COL25A1: variants seen among roughly 807,000 people sequenced by gnomAD.
COL25A1 encodes collagen alpha-1(XXV) chain.
A neutral mutation model predicts 128.4 loss-of-function variants in COL25A1; 103 were observed. The ratio of observed to expected loss-of-function variants is 0.80; its 90% CI spans 0.68 to 0.94. The LOEUF is 0.94. Among genes scored for constraint, COL25A1 ranks in the 40% least tolerant of loss-of-function variants. The probability of loss-of-function intolerance (pLI) is 0.00; values close to 1 mark genes in which losing one functional copy is unlikely to be tolerated. For missense variants in COL25A1, 745 were observed against 840.0 expected (o/e 0.89, Z 1.40); for synonymous variants, 279 against 277.2 (o/e 1.01, Z -0.06).
chr4:109,033,928 A>T (rs564226926), intron 5 of COL25A1, among the ~76,000 whole-genome samples: 1 of 152,306 alleles, frequency 6.6e-6, no homozygotes, highest in Non-Finnish European at 1.5e-5. Context: ...TAAAAAATAG[A>T]TTCCCAAACT....
intron 26 of COL25A1, 96 bp from the exon 27 acceptor site, chr4:108,848,899 G>T: frequency 2.3e-6 from 2 of 871,472 alleles, no homozygotes; most frequent in South Asian, 1.5e-5. Context: ...ACCACAATTT[G>T]ACTTTCAGCA....
chr4:108,888,731 T>A (rs1741107808), intron 18 of COL25A1, among the ~76,000 whole-genome samples: 2 of 152,166 alleles, frequency 1.3e-5, no homozygotes, highest in South Asian at 4.1e-4. Context: ...TAGATATAAA[T>A]CACATAAAAA....
At chr4:109,276,614 A>AG (rs1331545205) in intron 3 of COL25A1, among the ~76,000 whole-genome samples, 2 of 152,068 alleles carry the variant, frequency 1.3e-5, no homozygotes, top group Non-Finnish European at 2.9e-5. Flanking sequence ...AGGTTAGGGA[A>AG]GGAAACATTC....
Position 108,831,431 on chromosome 4 carries a change from G to C in COL25A1, c.1710+949C>G, listed in dbSNP as rs183785128. 2.5e-3 allele frequency among the ~76,000 whole-genome samples: 385 copies of C among 152,216 alleles called. 4 individuals are homozygous for C. Among genetic ancestry groups the C allele is most frequent in the African/African-American group, 8.9e-3 (371 of 41,564 alleles). On this transcript the variant is annotated intron_variant, in intron 32 of 37. Transcript: ENST00000399132. ...GAATTGGAAGGTATGTTAAAGAAAT[G>C]ACTACTGGCCCTCTTTTTTTAAAGC...
intron 3 of COL25A1, among the ~76,000 whole-genome samples, chr4:109,155,622 T>A (rs1414902421): frequency 6.6e-6 from 1 of 152,168 alleles, no homozygotes; most frequent in Non-Finnish European, 1.5e-5. Context: ...GAATCTTAGA[T>A]CATATCCTGT....
intron 3 of COL25A1, among the ~76,000 whole-genome samples, chr4:109,222,915 T>C (rs1009127014): frequency 1.3e-5 from 2 of 152,238 alleles, no homozygotes; most frequent in African/African-American, 2.4e-5. Flanking sequence ...CTTAAAAAAT[T>C]ATCCAAATCA....
rs117070251 is a variant in COL25A1, at chr4:108,908,191, G to A, written c.781-7019C>T. On this transcript the variant is annotated intron_variant, in intron 13 of 37. Transcript: ENST00000399132. Reference sequence around the variant, plus strand: ...GCTTTGCCCCATACCAATTCAGGTGGTTCAGTCAATTCTTCACCAGTTTCC... The same window carrying A: ...GCTTTGCCCCATACCAATTCAGGTGATTCAGTCAATTCTTCACCAGTTTCC... 2.9e-3 allele frequency among the ~76,000 whole-genome samples: 448 copies of A among 152,260 alleles called. 21 individuals carry two copies. The East Asian group carries it at 0.068, about 23-fold the overall frequency.
At chr4:109,062,220 T>C (rs1762045165) in intron 3 of COL25A1, among the ~76,000 whole-genome samples, 1 of 152,176 alleles carries the variant, frequency 6.6e-6, no homozygotes, top group Non-Finnish European at 1.5e-5. Context: ...CTTGATCAAG[T>C]AGACCAAGAG....
At chr4:108,850,596 T>C (rs1156464433) in intron 26 of COL25A1, among the ~76,000 whole-genome samples, 1 of 152,060 alleles carries the variant, frequency 6.6e-6, no homozygotes, top group Non-Finnish European at 1.5e-5. Context: ...TGTCTTTCAG[T>C]TTCAACTCAA....
At chr4:109,301,575 G>T in intron 2 of COL25A1, 148 bp downstream of exon 2, 1 of 785,514 alleles carries the variant, frequency 1.3e-6, no homozygotes, top group Non-Finnish European at 2.1e-6. Context: ...GCTACAGTGA[G>T]CATAGATCCT....
At chr4:108,942,362 C>A in intron 8 of COL25A1, 1 of 1,113,414 alleles carries the variant, frequency 9.0e-7, no homozygotes, top group Non-Finnish European at 1.3e-6. Context: ...TACCTAGCAC[C>A]TCCCTTTCCT....
At chr4:109,170,771 C>T (rs894117572) in intron 3 of COL25A1, among the ~76,000 whole-genome samples, 1 of 152,090 alleles carries the variant, frequency 6.6e-6, no homozygotes, top group Non-Finnish European at 1.5e-5. Context: ...TAGGTGTCAT[C>T]CAAAGTTTTT....
chr4:109,275,953 G>A (rs1420685458), intron 3 of COL25A1, among the ~76,000 whole-genome samples: 1 of 152,034 alleles, frequency 6.6e-6, no homozygotes, highest in African/African-American at 2.4e-5. Flanking sequence ...TCAATCCACT[G>A]GGCAAACACC....
chr4:108,913,884 A>G (rs1377633775), intron 13 of COL25A1, among the ~76,000 whole-genome samples: 1 of 152,246 alleles, frequency 6.6e-6, no homozygotes, highest in African/African-American at 2.4e-5. Context: ...ATTCAAATAT[A>G]CATCACTTCA....
chr4:108,895,441 A>G (rs1206558326), intron 16 of COL25A1, among the ~76,000 whole-genome samples: 1 of 152,212 alleles, frequency 6.6e-6, no homozygotes, highest in East Asian at 1.9e-4. Context: ...CAAGTGAAGT[A>G]TAACATCCTT....
chr4:108,916,544 G>A (rs555639865), intron 13 of COL25A1, among the ~76,000 whole-genome samples: 284 of 152,186 alleles, frequency 1.9e-3, no homozygotes, highest in African/African-American at 6.4e-3. Context: ...AAACAAAGAC[G>A]AAAAAGGAAA....
intron 6 of COL25A1, among the ~76,000 whole-genome samples, chr4:108,997,370 C>A (rs1316375023): frequency 6.6e-6 from 1 of 152,278 alleles, no homozygotes; most frequent in Non-Finnish European, 1.5e-5. Context: ...ACTAGAAAAT[C>A]TAGAAGAAAT....
intron 3 of COL25A1, among the ~76,000 whole-genome samples, chr4:109,215,586 T>C (rs1777920025): frequency 6.6e-6 from 1 of 152,168 alleles, no homozygotes; most frequent in African/African-American, 2.4e-5. Flanking sequence ...TTATTTTGCC[T>C]TGAGATCAGG....
intron 3 of COL25A1, among the ~76,000 whole-genome samples, chr4:109,242,764 A>G (rs938082854): frequency 6.6e-6 from 1 of 152,074 alleles, no homozygotes; most frequent in Non-Finnish European, 1.5e-5. Flanking sequence ...ATTGTTCATT[A>G]TGAACTTAGC....
Sources: allele counts gnomAD v4.1 joint callset (sites outside exome capture counted in the v4.1 genomes callset), GRCh38; gene constraint gnomAD v4.1.1; transcripts MANE v1.5; gene names NCBI Gene and HGNC (gene_info 2026-07-23, HGNC 2026-07-21).